The following FHIT variants were observed in gnomAD, a reference collection of about 807,000 sequenced individuals.
The protein encoded by FHIT is fragile histidine triad diadenosine triphosphatase, also known as bis(5'-adenosyl)-triphosphatase.
In FHIT, 19 loss-of-function variants were observed where a neutral mutation model predicts 17.9. That is an observed-to-expected ratio of 1.06 (90% CI 0.74 to 1.56). FHIT has a LOEUF of 1.56. Among genes scored for constraint, FHIT ranks in the 40% most tolerant of loss-of-function variants. The pLI, the probability that FHIT is intolerant of heterozygous loss-of-function variation, is 0.00. For synonymous variants in FHIT, 81 were observed against 69.7 expected (o/e 1.16, Z -0.81); for missense variants, 248 against 189.2 (o/e 1.31, Z -1.82).
chr3:60,078,424 A>G lies in FHIT; in HGVS notation c.104-64272T>C, dbSNP rs142844212. ...AGAAATGCCACATCAGACAAACTCA[A>G]ATTAAGAAACATTCTGAAAAGCAAT... On this transcript the variant is annotated intron_variant, in intron 5 of 9. Transcript: ENST00000492590. 1.1e-3 allele frequency among the ~76,000 whole-genome samples: 160 copies of G among 152,240 alleles called. 2 individuals carry two copies. The highest frequency in any genetic ancestry group is 6.8e-3 in the Middle Eastern group (2 of 294).
At chr3:60,728,573 A>G (rs1325784823) in intron 4 of FHIT, among the ~76,000 whole-genome samples, 2 of 151,782 alleles carry the variant, frequency 1.3e-5, no homozygotes. Context: ...TTTTTGTTTT[A>G]TTTTGTTTTG....
intron 3 of FHIT, among the ~76,000 whole-genome samples, chr3:60,999,596 C>T (rs1236762776): frequency 2.0e-5 from 3 of 151,584 alleles, no homozygotes; most frequent in African/African-American, 7.3e-5. Context: ...CTGCAAAGCA[C>T]TTTTGAGGTA....
intron 5 of FHIT, among the ~76,000 whole-genome samples, chr3:60,247,516 A>G (rs1265366104): frequency 6.6e-6 from 1 of 152,194 alleles, no homozygotes. Context: ...CTTTTCTGTC[A>G]TTAAATGTTT....
At chr3:61,159,778 T>A (rs530848995) in intron 2 of FHIT, among the ~76,000 whole-genome samples, 2 of 152,328 alleles carry the variant, frequency 1.3e-5, no homozygotes, top group East Asian at 3.9e-4. Context: ...TAAGTCAAAT[T>A]TACTAGTTCT....
intron 2 of FHIT, among the ~76,000 whole-genome samples, chr3:61,114,090 G>A (rs2036233617): frequency 2.0e-5 from 3 of 152,158 alleles, no homozygotes; most frequent in Admixed American, 1.3e-4. Context: ...TATGAGAAAA[G>A]TTTTAGGAGT....
chr3:59,787,058 CA>C lies in FHIT; in HGVS notation c.349-34738del, dbSNP rs553642577. ...GGCTGGTCTGTATAACTAGAAAAGC[CA>C]AAATTGTTGGGTGTTTACTATGTGT... On this transcript the variant is annotated intron_variant, in intron 8 of 9. Transcript: ENST00000492590. Among the ~76,000 whole-genome samples the C allele has an allele frequency of 5.9e-5, 9 of 152,292 alleles. No individual in the cohort carries two copies. In the East Asian group the frequency reaches 1.7e-3, roughly 29 times the overall value.
chr3:60,318,977 C>T (rs373400979), intron 5 of FHIT, among the ~76,000 whole-genome samples: 1 of 152,064 alleles, frequency 6.6e-6, no homozygotes, highest in African/African-American at 2.4e-5. Flanking sequence ...CTCCAGTTTC[C>T]GCCTCTGTTG....
intron 4 of FHIT, among the ~76,000 whole-genome samples, chr3:60,570,042 C>T (rs1368723833): frequency 6.6e-6 from 1 of 151,870 alleles, no homozygotes; most frequent in Non-Finnish European, 1.5e-5. Flanking sequence ...TTAAAAATTC[C>T]AAAGCCCAGA....
At chr3:60,933,532 A>G (rs925391837) in intron 3 of FHIT, among the ~76,000 whole-genome samples, 8 of 152,212 alleles carry the variant, frequency 5.3e-5, no homozygotes, top group African/African-American at 1.9e-4. Context: ...GAGGATAGTG[A>G]CTACCAGATT....
chr3:60,717,321 T>C (rs372263188), intron 4 of FHIT, among the ~76,000 whole-genome samples: 3 of 152,206 alleles, frequency 2.0e-5, no homozygotes, highest in African/African-American at 4.8e-5. Context: ...ATTTAAGATC[T>C]ACTCTCACCA....
intron 1 of FHIT, among the ~76,000 whole-genome samples, chr3:61,240,598 T>C (rs907757826): frequency 3.9e-5 from 6 of 152,206 alleles, no homozygotes; most frequent in African/African-American, 7.2e-5. Flanking sequence ...CAAATAGATA[T>C]ATTTCAGCCC....
intron 5 of FHIT, among the ~76,000 whole-genome samples, chr3:60,183,499 A>AAC (rs1249974022): frequency 3.3e-5 from 5 of 152,224 alleles, no homozygotes; most frequent in African/African-American, 1.2e-4. Flanking sequence ...CACCGTGACT[A>AAC]ACAAGTTTGA....
chr3:60,838,831 C>T (rs782707625), intron 3 of FHIT, among the ~76,000 whole-genome samples: 46 of 151,514 alleles, frequency 3.0e-4, no homozygotes, highest in Non-Finnish European at 5.0e-4. Context: ...CAGGTATGTA[C>T]TTGTCACGAT....
intron 7 of FHIT, among the ~76,000 whole-genome samples, chr3:59,997,213 A>T (rs978318138): frequency 1.2e-4 from 18 of 152,142 alleles, no homozygotes; most frequent in African/African-American, 4.3e-4. Context: ...AAGGGATAAA[A>T]ATCATGCCAT....
intron 8 of FHIT, among the ~76,000 whole-genome samples, chr3:59,863,533 C>T (rs1702498577): frequency 6.6e-6 from 1 of 152,154 alleles, no homozygotes; most frequent in Non-Finnish European, 1.5e-5. Context: ...ATCTGTCTTC[C>T]CTGAGTGACC....
intron 8 of FHIT, among the ~76,000 whole-genome samples, chr3:59,861,614 G>A (rs1157280661): frequency 1.3e-5 from 2 of 152,238 alleles, no homozygotes; most frequent in East Asian, 3.9e-4. Flanking sequence ...CACTGAGGAG[G>A]AACAATAAAG....
chr3:59,832,240 G>T (rs1701189426), intron 8 of FHIT, among the ~76,000 whole-genome samples: 1 of 152,138 alleles, frequency 6.6e-6, no homozygotes, highest in Admixed American at 6.6e-5. Context: ...CAGGAGCCAT[G>T]GGAGCAAATC....
intron 5 of FHIT, among the ~76,000 whole-genome samples, chr3:60,209,847 T>C (rs1443129061): frequency 6.6e-6 from 1 of 151,822 alleles, no homozygotes. Flanking sequence ...GAACACCAAA[T>C]ACCGCATGTT....
At chr3:59,864,240 C>A (rs898102689) in intron 8 of FHIT, among the ~76,000 whole-genome samples, 1 of 152,084 alleles carries the variant, frequency 6.6e-6, no homozygotes, top group Non-Finnish European at 1.5e-5. Context: ...TGGGAGAGAC[C>A]CAGTGGGAGG....
Sources: gnomAD v4.1 joint callset for allele counts (sites outside exome capture counted in the v4.1 genomes callset) on GRCh38, gnomAD v4.1.1 for gene constraint, MANE v1.5 for transcripts, NCBI Gene and HGNC (gene_info 2026-07-23, HGNC 2026-07-21) for gene names.